ZNF536: variants seen among roughly 807,000 people sequenced by gnomAD.
The protein encoded by ZNF536 is zinc finger protein 536.
ZNF536 carries 13 observed loss-of-function variants against 84.5 expected under a neutral mutation model. That is an observed-to-expected ratio of 0.15 (90% confidence interval 0.10 to 0.24). ZNF536 has a LOEUF of 0.24. Ranked by LOEUF, ZNF536 falls within the 10% of genes least tolerant of loss-of-function variation. The probability of loss-of-function intolerance (pLI) is 1.00; values close to 1 mark genes in which losing one functional copy is unlikely to be tolerated. For missense variants in ZNF536, 1,536 were observed against 1,747.5 expected, an observed-to-expected ratio of 0.88 and a Z score of 2.16; for synonymous variants, 811 against 742.5, an observed-to-expected ratio of 1.09 and a Z score of -1.50.
chr19:30,566,538 G>A lies in ZNF536; in HGVS notation c.169+17024G>A, dbSNP rs539184307. On this transcript the variant is annotated intron_variant, in intron 1 of 1. Transcript: ENST00000592773. ...TTAAGTATGGGGAAACTGAGGCACCGAGCAGCATCTTGTCACACCTAAGAT... is the reference window on the plus strand; with the variant it reads ...TTAAGTATGGGGAAACTGAGGCACCAAGCAGCATCTTGTCACACCTAAGAT... Among the ~76,000 whole-genome samples the A allele has an allele frequency of 1.8e-4, 28 of 152,372 alleles. No individual in the cohort carries two copies. The South Asian group carries it at 3.9e-3, about 21-fold the overall frequency.
chr19:30,382,050 C>T (rs1276274014), intron 1 of ZNF536, among the ~76,000 whole-genome samples: 2 of 152,180 alleles, frequency 1.3e-5, no homozygotes, highest in Non-Finnish European at 1.5e-5. Context: ...CCATGTGAGA[C>T]ATTTTGGGTA....
intron 1 of ZNF536, among the ~76,000 whole-genome samples, chr19:30,259,040 T>C (rs2025055902): frequency 6.6e-6 from 1 of 152,126 alleles, no homozygotes; most frequent in African/African-American, 2.4e-5. Flanking sequence ...TTTTTTATTA[T>C]TGCATTCAAA....
chr19:30,262,917 G>A (rs562562252), intron 1 of ZNF536, among the ~76,000 whole-genome samples: 143 of 152,314 alleles, frequency 9.4e-4, no homozygotes, highest in African/African-American at 3.4e-3. Context: ...TGAATGGAGA[G>A]CCAAGGCCAA....
chr19:30,232,801 G>A (rs373770338), intron 1 of ZNF536, among the ~76,000 whole-genome samples: 93 of 152,276 alleles, frequency 6.1e-4, no homozygotes, highest in African/African-American at 2.0e-3. Context: ...GTGGGAGTCC[G>A]TGCTGTGCGT....
At chr19:30,711,751 T>A (rs981441603) in exon 2 of ZNF536, 11 of 152,292 alleles carry the variant, frequency 7.2e-5, no homozygotes, top group African/African-American at 2.4e-4. Flanking sequence ...CGGTAGCCTT[T>A]TCTTCTTTTT....
intron 2 of ZNF536, among the ~76,000 whole-genome samples, chr19:30,348,775 C>A (rs189443640): frequency 1.3e-5 from 2 of 151,848 alleles, no homozygotes; most frequent in African/African-American, 4.8e-5. Context: ...TCTCTTCTTT[C>A]ACCAAAGAGT....
downstream of ZNF536, among the ~76,000 whole-genome samples, chr19:30,561,025 A>G (rs1017868501): frequency 6.6e-6 from 1 of 152,186 alleles, no homozygotes; most frequent in Admixed American, 6.5e-5. Context: ...TTTGTCTTTC[A>G]TGTTCTTTGT....
intron 1 of ZNF536, among the ~76,000 whole-genome samples, chr19:30,659,953 GTGTGTGTGT>G (rs1568645803): frequency 1.1e-4 from 13 of 115,376 alleles, no homozygotes; most frequent in African/African-American, 4.1e-4. Context: ...TGACACAAGG[GTGTGTGTGT>G]GTGTGTGTGT....
intron 1 of ZNF536, among the ~76,000 whole-genome samples, chr19:30,623,646 G>A (rs1314688294): frequency 6.6e-6 from 1 of 152,100 alleles, no homozygotes; most frequent in African/African-American, 2.4e-5. Context: ...ACCTTTTCTG[G>A]GTCTTTGTTC....
At chr19:30,459,748 T>C (rs950516781) in intron 2 of ZNF536, among the ~76,000 whole-genome samples, 2 of 152,166 alleles carry the variant, frequency 1.3e-5, no homozygotes, top group East Asian at 1.9e-4. Flanking sequence ...CCTAGTGCGA[T>C]GTTGGGACCA....
At chr19:30,470,301 C>G (rs1027385173) in intron 2 of ZNF536, among the ~76,000 whole-genome samples, 4 of 152,152 alleles carry the variant, frequency 2.6e-5, no homozygotes, top group African/African-American at 9.7e-5. Flanking sequence ...TTCTTATACT[C>G]CATGCCCAGC....
chr19:30,275,289 C>T (rs2026065845), intron 1 of ZNF536, among the ~76,000 whole-genome samples: 1 of 152,188 alleles, frequency 6.6e-6, no homozygotes, highest in African/African-American at 2.4e-5. Context: ...CTAGTTTGCA[C>T]TTCTTACCCT....
intron 2 of ZNF536, among the ~76,000 whole-genome samples, chr19:30,473,086 G>T (rs1043871288): frequency 2.6e-5 from 4 of 151,144 alleles, no homozygotes; most frequent in African/African-American, 9.7e-5. Flanking sequence ...CACACCTATA[G>T]TTCCTGCTAC....
intron 2 of ZNF536, among the ~76,000 whole-genome samples, chr19:30,341,319 C>T (rs1215483741): frequency 1.3e-5 from 2 of 152,202 alleles, no homozygotes; most frequent in African/African-American, 4.8e-5. Context: ...CGTGAAGTAA[C>T]TTATGAGTCT....
At chr19:30,523,623 C>T (rs993441597) in intron 2 of ZNF536, among the ~76,000 whole-genome samples, 3 of 152,180 alleles carry the variant, frequency 2.0e-5, no homozygotes, top group Admixed American at 6.5e-5. Context: ...AGAATGCTTC[C>T]TCCAGAGATT....
downstream of ZNF536, among the ~76,000 whole-genome samples, chr19:30,562,885 G>C (rs550718504): frequency 6.6e-6 from 1 of 152,222 alleles, no homozygotes; most frequent in East Asian, 1.9e-4. Flanking sequence ...TTGCAAGCCC[G>C]GGGTAGTTTG....
intron 2 of ZNF536, among the ~76,000 whole-genome samples, chr19:30,333,603 A>G (rs778871186): frequency 2.6e-5 from 4 of 152,172 alleles, no homozygotes; most frequent in Non-Finnish European, 4.4e-5. Context: ...CCTGAGGCCC[A>G]GGGCAGTGTC....
intron 1 of ZNF536, among the ~76,000 whole-genome samples, chr19:30,244,015 T>C (rs914373137): frequency 6.6e-6 from 1 of 152,240 alleles, no homozygotes; most frequent in African/African-American, 2.4e-5. Context: ...GTGTATACAC[T>C]CTTAAAGGCC....
At chr19:30,323,037 C>T (rs141427843) in intron 2 of ZNF536, among the ~76,000 whole-genome samples, 199 of 152,300 alleles carry the variant, frequency 1.3e-3, no homozygotes, top group African/African-American at 4.5e-3. Flanking sequence ...AAAGCCAAGA[C>T]CCTGGGGCCC....
Sources: gnomAD v4.1 joint callset for allele counts (sites outside exome capture counted in the v4.1 genomes callset) on GRCh38, gnomAD v4.1.1 for gene constraint, MANE v1.5 for transcripts, NCBI Gene and HGNC (gene_info 2026-07-23, HGNC 2026-07-21) for gene names.